VPS41: variants seen among roughly 807,000 people sequenced by gnomAD.
The protein encoded by VPS41 is VPS41 subunit of HOPS complex.
A neutral mutation model predicts 130.9 loss-of-function variants in VPS41; 85 were observed. That is an observed-to-expected ratio of 0.65 (90% CI 0.55 to 0.78). The LOEUF is 0.78. Ranked by LOEUF, VPS41 falls within the 30% of genes least tolerant of loss-of-function variation. VPS41 has a pLI of 0.00. For synonymous variants in VPS41, 335 were observed against 332.9 expected (o/e 1.01, Z -0.07); for missense variants, 874 against 1,018.7 (o/e 0.86, Z 1.93).
intron 2 of VPS41, among the ~76,000 whole-genome samples, chr7:38,880,211 C>T (rs1027429970): frequency 3.3e-5 from 5 of 152,278 alleles, no homozygotes; most frequent in Middle Eastern, 6.8e-3. Flanking sequence ...CAACTTCACA[C>T]TGCAGAACTC....
At chr7:38,895,821 A>T (rs1786974810) in intron 2 of VPS41, among the ~76,000 whole-genome samples, 1 of 152,090 alleles carries the variant, frequency 6.6e-6, no homozygotes, top group Admixed American at 6.5e-5. Flanking sequence ...CCTTTCTTTA[A>T]ATTCTCGAAA....
chr7:38,731,650 C>T lies in VPS41; in HGVS notation c.2260-2859G>A, dbSNP rs114964669. Among the ~76,000 whole-genome samples, 164 of 152,226 alleles carry T rather than the reference C, an allele frequency of 1.1e-3. 1 individual carries two copies. Among genetic ancestry groups the T allele is most frequent in the African/African-American group, 3.8e-3 (158 of 41,542 alleles). On this transcript the variant is annotated intron_variant, in intron 25 of 28. Coordinates refer to ENST00000310301, the MANE Select transcript of VPS41 (RefSeq NM_014396.4). ...TAACTTGCAAATGTGATGTTCTTTA[C>T]ATACTTAGGGCACATGCACACTCTT... is the stretch of plus-strand genomic sequence containing the variant.
intron 4 of VPS41, among the ~76,000 whole-genome samples, chr7:38,850,013 T>C (rs900458185): frequency 6.6e-6 from 1 of 152,144 alleles, no homozygotes; most frequent in Non-Finnish European, 1.5e-5. Flanking sequence ...TGATACATAT[T>C]TACTGCATTA....
rs145565598 is a variant in VPS41, at chr7:38,877,123, G to A, written c.61-7870C>T. On this transcript the variant is annotated intron_variant, in intron 2 of 28. Coordinates refer to ENST00000310301, the MANE Select transcript of VPS41 (RefSeq NM_014396.4). ...GAAGCAGAGTTTATGCCTTTTCATT[G>A]TTCTGAACTTCACCTAACAGAACTG... 3.8e-3 allele frequency among the ~76,000 whole-genome samples: 585 copies of A among 152,182 alleles called. 6 individuals are homozygous for A. Among genetic ancestry groups the A allele is most frequent in the African/African-American group, 0.014 (567 of 41,522 alleles).
intron 5 of VPS41, among the ~76,000 whole-genome samples, chr7:38,828,587 T>C (rs1785325743): frequency 6.6e-6 from 1 of 152,204 alleles, no homozygotes; most frequent in African/African-American, 2.4e-5. Context: ...GATCATTCTA[T>C]ACTAGCTTCT....
chr7:38,817,910 G>A (rs762227395), intron 6 of VPS41, 28 bp from the exon 7 acceptor site: 11 of 1,595,992 alleles, frequency 6.9e-6, no homozygotes, highest in Non-Finnish European at 9.5e-6. Context: ...CCCAACTCTG[G>A]TTTAGGAGTC....
At chr7:38,754,351 G>A (rs751732802) in intron 21 of VPS41, among the ~76,000 whole-genome samples, 5 of 152,134 alleles carry the variant, frequency 3.3e-5, no homozygotes, top group Non-Finnish European at 7.3e-5. Flanking sequence ...GAGGGAGAGT[G>A]CTTATTCCTA....
chr7:38,843,940 C>T (rs7798033), intron 4 of VPS41, among the ~76,000 whole-genome samples: 85,182 of 152,094 alleles, frequency 0.56, 24,513 homozygotes, highest in East Asian at 0.89. Context: ...TTGAAATATC[C>T]TTTTATTCCA....
Position 38,752,264 on chromosome 7 carries a change from T to C in VPS41, c.1838A>G (p.His613Arg). 2 of 1,613,950 alleles carry C rather than the reference T, an allele frequency of 1.2e-6. No individual in the cohort carries two copies. The highest frequency in any genetic ancestry group is 1.7e-6 in the Non-Finnish European group (2 of 1,179,868). The stretch of plus-strand genomic sequence containing the variant: ...AGCATAAAGACTGATCTGTTTTTCA[T>C]GGTAACGCTGCCCCTTATGGTGGTC... ...KRDHHKGQRY[H>R]EKQISLYAEY... The change falls in exon 22 of 29, where the codon CAT becomes CGT. Residue 613 changes from histidine to arginine, a missense_variant. By Grantham distance (29) the His-to-Arg change is conservative. Transcript: ENST00000310301.
chr7:38,803,432 G>A (rs1244638512), intron 7 of VPS41, among the ~76,000 whole-genome samples: 2 of 152,194 alleles, frequency 1.3e-5, no homozygotes, highest in Non-Finnish European at 2.9e-5. Context: ...GAGGGTCAAG[G>A]CTTAGATACC....
chr7:38,782,610 T>C (rs1784372527), intron 10 of VPS41, among the ~76,000 whole-genome samples: 1 of 152,196 alleles, frequency 6.6e-6, no homozygotes, highest in African/African-American at 2.4e-5. Flanking sequence ...CACATATTGC[T>C]GTTATACATG....
intron 7 of VPS41, among the ~76,000 whole-genome samples, chr7:38,806,594 A>G (rs901580199): frequency 6.6e-6 from 1 of 152,224 alleles, no homozygotes; most frequent in African/African-American, 2.4e-5. Flanking sequence ...ACTACAAAAA[A>G]GTAAATAAAA....
At chr7:38,890,015 G>A (rs1281071219) in intron 2 of VPS41, among the ~76,000 whole-genome samples, 1 of 152,070 alleles carries the variant, frequency 6.6e-6, no homozygotes, top group East Asian at 1.9e-4. Flanking sequence ...GATAAGTTAT[G>A]TATATATATT....
chr7:38,743,969 A>G (rs1003869675), intron 23 of VPS41, among the ~76,000 whole-genome samples: 1 of 152,208 alleles, frequency 6.6e-6, no homozygotes, highest in African/African-American at 2.4e-5. Context: ...ATACCTTCAC[A>G]TGCAGATACA....
chr7:38,755,040 A>G, intron 19 of VPS41, 104 bp from the exon 20 acceptor site: 5 of 1,015,438 alleles, frequency 4.9e-6, no homozygotes, highest in South Asian at 1.5e-5. Flanking sequence ...TGGAAGGCTT[A>G]TTTTGTATAC....
chr7:38,867,720 G>A (rs1786260100), intron 3 of VPS41, among the ~76,000 whole-genome samples: 1 of 152,088 alleles, frequency 6.6e-6, no homozygotes, highest in Admixed American at 6.5e-5. Flanking sequence ...GAGGGCCTGA[G>A]GACTAAAGAA....
At chr7:38,868,930 C>T (rs1584436582) in intron 3 of VPS41, among the ~76,000 whole-genome samples, 1 of 152,146 alleles carries the variant, frequency 6.6e-6, no homozygotes, top group Admixed American at 6.5e-5. Flanking sequence ...CTACATTCTA[C>T]TTAATACAGT....
At chr7:38,796,672 A>T in intron 8 of VPS41, 73 bp downstream of exon 8, 1 of 1,607,362 alleles carries the variant, frequency 6.2e-7, no homozygotes, top group East Asian at 2.2e-5. Flanking sequence ...TTTTCCCTTC[A>T]TTACAGCCCT....
Position 38,825,990 on chromosome 7 carries a change from A to C in VPS41, c.321+4264T>G, listed in dbSNP as rs532509620. On this transcript the variant is annotated intron_variant, in intron 5 of 28. Transcript: ENST00000310301. ...GCCTCTCTCAAACTTCTGCTTCCAAACAACACATTAAAAATCAGAATAGGG... is the reference window on the plus strand; with the variant it reads ...GCCTCTCTCAAACTTCTGCTTCCAACCAACACATTAAAAATCAGAATAGGG... Among the ~76,000 whole-genome samples the C allele has an allele frequency of 4.6e-5, 7 of 152,318 alleles. No individual in the cohort carries two copies. The East Asian group carries it at 1.3e-3, about 29-fold the overall frequency.
Sources: gnomAD v4.1 joint callset for allele counts (sites outside exome capture counted in the v4.1 genomes callset) on GRCh38, gnomAD v4.1.1 for gene constraint, MANE v1.5 for transcripts, NCBI Gene and HGNC (gene_info 2026-07-23, HGNC 2026-07-21) for gene names.